The following RAB38 variants were observed in gnomAD, a reference collection of about 807,000 sequenced individuals.
RAB38 encodes the protein RAB38, member RAS oncogene family.
Under a neutral mutation model 18.4 loss-of-function variants are expected in RAB38, and 15 were observed. That is an observed-to-expected ratio of 0.82 (90% confidence interval 0.55 to 1.26). The LOEUF is 1.26. RAB38 is among the 50% of genes most tolerant of loss of function. RAB38 has a pLI of 0.00. For missense variants in RAB38, 294 were observed against 267.4 expected (o/e 1.10, Z -0.69); for synonymous variants, 101 against 104.4 (o/e 0.97, Z 0.20).
the RAB38 span, among the ~76,000 whole-genome samples, chr11:87,953,696 G>A: frequency 6.6e-6 from 1 of 152,112 alleles, no homozygotes; most frequent in Admixed American, 6.5e-5. Context: ...ACTATCTGCG[G>A]TTTCAGGCAT....
chr11:87,931,883 A>G, the RAB38 span, among the ~76,000 whole-genome samples: 1 of 151,688 alleles, frequency 6.6e-6, no homozygotes, highest in African/African-American at 2.4e-5. Context: ...ATTTACTGTA[A>G]GCAGAAGGGG....
the RAB38 span, among the ~76,000 whole-genome samples, chr11:87,874,757 C>T: frequency 6.6e-6 from 1 of 151,424 alleles, no homozygotes; most frequent in African/African-American, 2.4e-5. Flanking sequence ...TATCACCTTA[C>T]ATCTGTTAAA....
the RAB38 span, among the ~76,000 whole-genome samples, chr11:87,871,963 G>C: frequency 6.6e-6 from 1 of 151,412 alleles, no homozygotes; most frequent in Non-Finnish European, 1.5e-5. Flanking sequence ...GTATTTTAGT[G>C]AATATATGTA....
At chr11:88,164,206 T>G (rs2134849100) in intron 1 of RAB38, among the ~76,000 whole-genome samples, 1 of 147,342 alleles carries the variant, frequency 6.8e-6, no homozygotes, top group East Asian at 2.0e-4. Context: ...TTAAGGAATA[T>G]CCAGATTCTG....
At chr11:88,026,925 T>C in the RAB38 span, among the ~76,000 whole-genome samples, 1 of 152,162 alleles carries the variant, frequency 6.6e-6, no homozygotes, top group Non-Finnish European at 1.5e-5. Context: ...TTGTGAGACA[T>C]TTTACATAAT....
At chr11:87,960,388 G>GAAAAAAAAAAAAAAAAAAAA in the RAB38 span, among the ~76,000 whole-genome samples, 1 of 142,124 alleles carries the variant, frequency 7.0e-6, no homozygotes, top group African/African-American at 2.7e-5. Context: ...ACAAAAAAAA[G>GAAAAAAAAAAAAAAAAAAAA]AAAAAAAGAG....
chr11:87,874,896 C>CA, the RAB38 span, among the ~76,000 whole-genome samples: 4 of 151,032 alleles, frequency 2.6e-5, no homozygotes, highest in African/African-American at 4.8e-5. Flanking sequence ...GGGGGTTCCT[C>CA]AAAAAATTAA....
the RAB38 span, among the ~76,000 whole-genome samples, chr11:88,045,652 C>A: frequency 1.1e-4 from 16 of 152,184 alleles, no homozygotes; most frequent in African/African-American, 3.9e-4. Flanking sequence ...CTTGGCTTAG[C>A]GGCTGACGAT....
chr11:88,069,098 G>A, the RAB38 span, among the ~76,000 whole-genome samples: 1 of 152,216 alleles, frequency 6.6e-6, no homozygotes, highest in South Asian at 2.1e-4. Context: ...TTGCGGGCCA[G>A]GGCGAGCTCC....
chr11:88,090,940 C>T, the RAB38 span, among the ~76,000 whole-genome samples: 2 of 151,852 alleles, frequency 1.3e-5, no homozygotes, highest in Non-Finnish European at 2.9e-5. Context: ...AAACATGTGT[C>T]CTGCCTTAAA....
chr11:88,045,963 A>G, the RAB38 span, among the ~76,000 whole-genome samples: 1 of 152,102 alleles, frequency 6.6e-6, no homozygotes, highest in African/African-American at 2.4e-5. Context: ...CACTTTAACT[A>G]AATTATCTGC....
the RAB38 span, among the ~76,000 whole-genome samples, chr11:88,050,525 A>C: frequency 1.3e-5 from 2 of 152,240 alleles, no homozygotes; most frequent in African/African-American, 4.8e-5. Flanking sequence ...CTGGAAGGTG[A>C]AGGAAAGGAA....
At chr11:87,923,284 T>C in the RAB38 span, among the ~76,000 whole-genome samples, 1 of 151,898 alleles carries the variant, frequency 6.6e-6, no homozygotes, top group East Asian at 1.9e-4. Context: ...CCAAATGCAA[T>C]AGCTAAGTGG....
the RAB38 span, among the ~76,000 whole-genome samples, chr11:87,813,901 G>T: frequency 6.6e-6 from 1 of 152,224 alleles, no homozygotes; most frequent in East Asian, 1.9e-4. Flanking sequence ...TTCCCGTGGG[G>T]GTGTGGTTGA....
intron 2 of RAB38, among the ~76,000 whole-genome samples, chr11:88,147,691 G>A (rs1248393145): frequency 6.6e-6 from 1 of 152,008 alleles, no homozygotes; most frequent in Non-Finnish European, 1.5e-5. Flanking sequence ...AGGAGATTGA[G>A]ACCATCCTGG....
At chr11:88,004,270 TG>T in the RAB38 span, among the ~76,000 whole-genome samples, 5,645 of 150,828 alleles carry the variant, frequency 0.037, 208 homozygotes, top group South Asian at 0.081. Flanking sequence ...TACAGCAATT[TG>T]TAAAAGGTAT....
At chr11:88,148,317 C>G (rs1176767601) in intron 2 of RAB38, among the ~76,000 whole-genome samples, 2 of 152,156 alleles carry the variant, frequency 1.3e-5, no homozygotes, top group Non-Finnish European at 2.9e-5. Context: ...GCACCACTGC[C>G]CTTTTCTTCC....
At chr11:88,086,092 A>C in the RAB38 span, among the ~76,000 whole-genome samples, 4 of 151,906 alleles carry the variant, frequency 2.6e-5, no homozygotes, top group Non-Finnish European at 5.9e-5. Flanking sequence ...ATAGTTTAAT[A>C]ATAATATCTT....
the RAB38 span, among the ~76,000 whole-genome samples, chr11:87,952,921 T>C: frequency 6.6e-6 from 1 of 152,202 alleles, no homozygotes; most frequent in African/African-American, 2.4e-5. Context: ...TTTGTGTCTT[T>C]ATTATAGACA....
Sources: gnomAD v4.1 joint callset for allele counts (sites outside exome capture counted in the v4.1 genomes callset) on GRCh38, gnomAD v4.1.1 for gene constraint, MANE v1.5 for transcripts, NCBI Gene and HGNC (gene_info 2026-07-23, HGNC 2026-07-21) for gene names.